The following AATF variants were observed in gnomAD, a reference collection of about 807,000 sequenced individuals.
The protein encoded by AATF is apoptosis antagonizing transcription factor.
AATF carries 48 observed loss-of-function variants against 63.7 expected under a neutral mutation model. The ratio of observed to expected loss-of-function variants is 0.75; its 90% confidence interval spans 0.60 to 0.96. The LOEUF is 0.96. AATF is among the 40% of genes least tolerant of loss of function. AATF has a pLI of 0.00. For missense variants in AATF, 639 were observed against 685.7 expected (o/e 0.93, Z 0.76); for synonymous variants, 258 against 247.7 (o/e 1.04, Z -0.39).
intron 11 of AATF, among the ~76,000 whole-genome samples, chr17:37,048,246 C>T (rs2071711596): frequency 6.6e-6 from 1 of 151,386 alleles, no homozygotes. Context: ...AAGTTTTCTA[C>T]TATAGTGATT....
intron 4 of AATF, among the ~76,000 whole-genome samples, chr17:36,979,295 G>A (rs914011249): frequency 6.6e-6 from 1 of 152,020 alleles, no homozygotes; most frequent in African/African-American, 2.4e-5. Context: ...TAAGATTGTG[G>A]GAGAATTAAA....
chr17:36,998,223 A>G (rs550938277), intron 8 of AATF, among the ~76,000 whole-genome samples: 20 of 136,878 alleles, frequency 1.5e-4, no homozygotes, highest in African/African-American at 5.1e-4. Flanking sequence ...TAACTTATGG[A>G]AAAAAAAAAT....
At chr17:36,967,351 A>G (rs1037025039) in intron 4 of AATF, among the ~76,000 whole-genome samples, 1 of 152,102 alleles carries the variant, frequency 6.6e-6, no homozygotes, top group African/African-American at 2.4e-5. Flanking sequence ...CCTTTCCCAC[A>G]CATTGTTTTG....
chr17:36,983,971 A>G (rs188859364), intron 4 of AATF, among the ~76,000 whole-genome samples: 29 of 152,328 alleles, frequency 1.9e-4, no homozygotes, highest in African/African-American at 5.8e-4. Flanking sequence ...ATAGAATGCT[A>G]TAGTATGAAA....
chr17:37,021,818 AAAATAAT>A (rs1179905577), intron 10 of AATF, among the ~76,000 whole-genome samples: 2 of 140,486 alleles, frequency 1.4e-5, no homozygotes, highest in Non-Finnish European at 3.0e-5. Context: ...AAAAAAAAAA[AAAATAAT>A]AATAATAATA....
intron 8 of AATF, among the ~76,000 whole-genome samples, chr17:37,009,041 T>G (rs553844246): frequency 6.6e-6 from 1 of 152,194 alleles, no homozygotes. Context: ...CTTTAGGAAA[T>G]GAGACACAAG....
intron 8 of AATF, chr17:36,999,069 A>T (rs1295124504): frequency 6.6e-6 from 1 of 152,194 alleles, no homozygotes; most frequent in Non-Finnish European, 1.5e-5. Context: ...TTTGACATAA[A>T]CATTGGATAA....
At chr17:37,032,365 G>A (rs2071558241) in intron 11 of AATF, among the ~76,000 whole-genome samples, 2 of 152,146 alleles carry the variant, frequency 1.3e-5, no homozygotes, top group South Asian at 4.1e-4. Flanking sequence ...TAGTGGAAGT[G>A]CCGTCAAACT....
intron 4 of AATF, among the ~76,000 whole-genome samples, chr17:36,982,671 T>A (rs993263786): frequency 6.6e-6 from 1 of 152,132 alleles, no homozygotes; most frequent in African/African-American, 2.4e-5. Context: ...TTTGTTGTTT[T>A]TTTTGTTTGT....
chr17:36,990,995 G>C, intron 8 of AATF, 138 bp downstream of exon 8: 1 of 528,918 alleles, frequency 1.9e-6, no homozygotes, highest in Non-Finnish European at 3.3e-6. Context: ...GTTCAAAATT[G>C]ACTTACAGTG....
At position 36,980,598 on chromosome 17, in the gene AATF, T is replaced by C. The variant is rs1031356769; in HGVS notation, c.833-6019T>C. Among the ~76,000 whole-genome samples, 3 of 152,328 alleles carry C rather than the reference T, an allele frequency of 2.0e-5. 1 individual carries two copies. The East Asian group carries it at 5.8e-4, about 29-fold the overall frequency. On this transcript the variant is annotated intron_variant, in intron 4 of 11. Coordinates refer to ENST00000619387, the MANE Select transcript of AATF (RefSeq NM_012138.4). ...ACAGGGTTGAACAGCTAGAATTCAGTCCTGTATGAATAATAGAGAGTGGTT... is the reference window on the plus strand; with the variant it reads ...ACAGGGTTGAACAGCTAGAATTCAGCCCTGTATGAATAATAGAGAGTGGTT...
In AATF at chr17:37,029,168, TC is replaced by T. The variant is rs554703137; in HGVS notation, c.1548-2444del. Reference sequence around the variant, plus strand: ...CAACCTCCTAGGCTTAAGCAATCCTTCCACCTCAGCCTCCCGAGTAGCTGGG... The same window carrying T: ...CAACCTCCTAGGCTTAAGCAATCCTTCACCTCAGCCTCCCGAGTAGCTGGG... On this transcript the variant is annotated intron_variant, in intron 10 of 11. Coordinates refer to ENST00000619387, the MANE Select transcript of AATF (RefSeq NM_012138.4). Among the ~76,000 whole-genome samples, 1,349 of 152,146 alleles carry T rather than the reference TC, an allele frequency of 8.9e-3. 8 individuals carry two copies. The highest frequency in any genetic ancestry group is 0.017 in the Middle Eastern group (5 of 294).
intron 4 of AATF, among the ~76,000 whole-genome samples, chr17:36,965,522 C>G (rs1297844966): frequency 6.6e-6 from 1 of 152,166 alleles, no homozygotes; most frequent in Non-Finnish European, 1.5e-5. Context: ...GCCACATTCA[C>G]ATGTCTGGGG....
intron 8 of AATF, among the ~76,000 whole-genome samples, chr17:36,995,853 C>T (rs2071250945): frequency 6.6e-6 from 1 of 152,052 alleles, no homozygotes; most frequent in Non-Finnish European, 1.5e-5. Context: ...CAGGTGTGAG[C>T]CACGGCACCC....
intron 4 of AATF, 94 bp from the exon 5 acceptor site, chr17:36,986,523 G>A: frequency 1.0e-6 from 1 of 983,698 alleles, no homozygotes; most frequent in Non-Finnish European, 1.6e-6. Context: ...ACTCCCCACA[G>A]CCAGAACTGC....
At chr17:37,042,059 A>G (rs528261982) in intron 11 of AATF, among the ~76,000 whole-genome samples, 4 of 152,008 alleles carry the variant, frequency 2.6e-5, no homozygotes, top group South Asian at 2.1e-4. Context: ...TTCTTCCTGT[A>G]TGAATTCTCT....
chr17:36,951,620 T>G (rs952203891), intron 2 of AATF, among the ~76,000 whole-genome samples: 7 of 152,182 alleles, frequency 4.6e-5, no homozygotes, highest in African/African-American at 1.7e-4. Context: ...TTGCTCAAGG[T>G]CATATAGTTA....
chr17:37,042,737 C>T (rs7213272), intron 11 of AATF, among the ~76,000 whole-genome samples: 31,953 of 137,186 alleles, frequency 0.23, 4,318 homozygotes, highest in African/African-American at 0.4. Flanking sequence ...TTTTTTCTTT[C>T]TTTTTTTTTT....
intron 10 of AATF, among the ~76,000 whole-genome samples, chr17:37,026,685 A>G (rs1407577391): frequency 6.6e-6 from 1 of 152,238 alleles, no homozygotes; most frequent in Non-Finnish European, 1.5e-5. Context: ...TAACATCCCC[A>G]GTGTTACATA....
Sources: allele counts gnomAD v4.1 joint callset (sites outside exome capture counted in the v4.1 genomes callset), GRCh38; gene constraint gnomAD v4.1.1; transcripts MANE v1.5; gene names NCBI Gene and HGNC (gene_info 2026-07-23, HGNC 2026-07-21).